The following PLCB4 variants were observed in gnomAD, a reference collection of about 807,000 sequenced individuals.
The protein encoded by PLCB4 is phospholipase C beta 4.
PLCB4 carries 77 observed loss-of-function variants against 178.8 expected under a neutral mutation model. The observed-to-expected ratio is 0.43, with a 90% confidence interval of 0.36 to 0.52. The LOEUF is 0.52. Ranked by LOEUF, PLCB4 falls within the 20% of genes least tolerant of loss-of-function variation. The pLI, the probability that PLCB4 is intolerant of heterozygous loss-of-function variation, is 0.00. For missense variants in PLCB4, 1,024 were observed against 1,453.4 expected, an observed-to-expected ratio of 0.70 and a Z score of 4.80; for synonymous variants, 496 against 490.8, an observed-to-expected ratio of 1.01 and a Z score of -0.14.
chr20:9,387,939 G>T (rs1295068783), intron 15 of PLCB4, among the ~76,000 whole-genome samples: 1 of 152,192 alleles, frequency 6.6e-6, no homozygotes, highest in African/African-American at 2.4e-5. Context: ...TGTAAATAGG[G>T]CCTACAAGAA....
intron 3 of PLCB4, among the ~76,000 whole-genome samples, chr20:9,240,969 G>C (rs562909937): frequency 6.6e-6 from 1 of 152,202 alleles, no homozygotes; most frequent in Non-Finnish European, 1.5e-5. Context: ...TGTTTGATTT[G>C]CAGAAATCCT....
At chr20:9,131,451 T>A (rs6056415) in intron 2 of PLCB4, among the ~76,000 whole-genome samples, 98,330 of 151,992 alleles carry the variant, frequency 0.65, 32,340 homozygotes, top group Middle Eastern at 0.78. Context: ...TAACTTTACT[T>A]GTTGAAGGAA....
rs73897380 is a variant in PLCB4, at chr20:9,330,598, T to A, written c.85-6528T>A. 8.2e-3 allele frequency among the ~76,000 whole-genome samples: 1,251 copies of A among 152,304 alleles called. 20 individuals are homozygous for A. The highest frequency in any genetic ancestry group is 0.028 in the African/African-American group (1,170 of 41,562). On this transcript the variant is annotated intron_variant, in intron 4 of 39. Transcript: ENST00000378473. ...GACTGTGGCTTTGAATAATTTAGTC[T>A]CCTCTGAACCTTTTTCCCCCCTTCT...
chr20:9,087,772 A>T (rs544110487), intron 1 of PLCB4, among the ~76,000 whole-genome samples: 54 of 152,236 alleles, frequency 3.5e-4, no homozygotes, highest in Middle Eastern at 6.8e-3. Context: ...ACCCTGATGG[A>T]TTTTTTGGAG....
chr20:9,305,521 A>G (rs1308868779), intron 3 of PLCB4, among the ~76,000 whole-genome samples: 1 of 152,018 alleles, frequency 6.6e-6, no homozygotes, highest in Non-Finnish European at 1.5e-5. Flanking sequence ...GCTAATTTTT[A>G]AATATATTTT....
chr20:9,275,876 G>A (rs1342288260), intron 3 of PLCB4, among the ~76,000 whole-genome samples: 2 of 152,080 alleles, frequency 1.3e-5, no homozygotes, highest in Admixed American at 6.6e-5. Flanking sequence ...AGTAAGGATA[G>A]GAAACTTATT....
At chr20:9,442,271 C>T (rs555578982) in intron 30 of PLCB4, among the ~76,000 whole-genome samples, 62 of 152,280 alleles carry the variant, frequency 4.1e-4, no homozygotes, top group Admixed American at 5.2e-4. Flanking sequence ...GGCTAGAGGC[C>T]GTCAGTTGGA....
chr20:9,382,893 A>G (rs2037262427), intron 13 of PLCB4, among the ~76,000 whole-genome samples: 1 of 152,192 alleles, frequency 6.6e-6, no homozygotes, highest in South Asian at 2.1e-4. Flanking sequence ...CTTTAGAATG[A>G]ATGAAGGTGC....
At chr20:9,432,217 C>CA in intron 28 of PLCB4, among the ~76,000 whole-genome samples, 1 of 152,170 alleles carries the variant, frequency 6.6e-6, no homozygotes, top group South Asian at 2.1e-4. Flanking sequence ...CAAAAATATA[C>CA]AAAAATGCTT....
chr20:9,433,984 G>A (rs2327181), intron 28 of PLCB4, among the ~76,000 whole-genome samples: 55,734 of 151,964 alleles, frequency 0.37, 11,189 homozygotes, highest in African/African-American at 0.53. Context: ...AATCTATTCT[G>A]TAAATATATG....
intron 2 of PLCB4, among the ~76,000 whole-genome samples, chr20:9,184,599 CAAAAAAAAAA>C (rs56964078): frequency 1.7e-5 from 2 of 118,458 alleles, no homozygotes; most frequent in Non-Finnish European, 3.7e-5. Context: ...CATTGTGCCT[CAAAAAAAAAA>C]AAAAAAAAAA....
chr20:9,333,267 G>A (rs763226672), intron 4 of PLCB4, among the ~76,000 whole-genome samples: 21 of 152,150 alleles, frequency 1.4e-4, no homozygotes, highest in Non-Finnish European at 3.1e-4. Context: ...CTGCCCTCTT[G>A]GAGGTTGTTG....
intron 1 of PLCB4, among the ~76,000 whole-genome samples, chr20:9,074,288 C>G (rs560125789): frequency 1.3e-5 from 2 of 152,240 alleles, no homozygotes; most frequent in African/African-American, 4.8e-5. Flanking sequence ...TACAGGTGCT[C>G]AAAGGATCCC....
intron 2 of PLCB4, among the ~76,000 whole-genome samples, chr20:9,097,669 C>T (rs999019474): frequency 1.3e-5 from 2 of 152,164 alleles, no homozygotes; most frequent in Admixed American, 6.5e-5. Flanking sequence ...ACAAGAATGA[C>T]CATTCACCTC....
At position 9,389,914 on chromosome 20, in the gene PLCB4, C is replaced by A; in HGVS notation, c.1194C>A (p.Val398=). Residue 398 remains valine (V), a synonymous_variant, in exon 16 of 40, where the codon GTC becomes GTA. Coordinates refer to ENST00000378473, the MANE Select transcript of PLCB4 (RefSeq NM_001377142.1). The stretch of plus-strand genomic sequence containing the variant: ...AAGCCATCAAGGAAACTGCATTTGT[C>A]ACATCAGAATATCCTGTAATTCTCT... ...VIQAIKETAF[V]TSEYPVILSF... is the part of the protein sequence containing the mutation. 2 of 1,584,436 alleles carry A rather than the reference C, an allele frequency of 1.3e-6. No individual in the cohort carries two copies. Among genetic ancestry groups the A allele is most frequent in the Non-Finnish European group, 1.7e-6 (2 of 1,155,802 alleles).
rs189240887 is a variant in PLCB4, at chr20:9,222,909, C to T, written c.-16+5457C>T. 2.0e-5 allele frequency among the ~76,000 whole-genome samples: 3 copies of T among 152,286 alleles called. No homozygotes were observed. In the East Asian group the frequency reaches 5.8e-4, roughly 29 times the overall value. On this transcript the variant is annotated intron_variant, in intron 3 of 39. Coordinates refer to ENST00000378473, the MANE Select transcript of PLCB4 (RefSeq NM_001377142.1). ...TACTCAGTAAGGAAATGAGGCAGCA[C>T]CGTGGTCCAGAGAGAGTGAGCTGAT...
intron 3 of PLCB4, among the ~76,000 whole-genome samples, chr20:9,256,305 T>C (rs1192857119): frequency 6.6e-6 from 1 of 152,160 alleles, no homozygotes; most frequent in Non-Finnish European, 1.5e-5. Flanking sequence ...GCATCCTTAG[T>C]TGATGAGCCT....
At position 9,471,804 on chromosome 20, in the gene PLCB4, T is replaced by A. The variant is rs548014326; in HGVS notation, c.3351-986T>A. Among the ~76,000 whole-genome samples the A allele has an allele frequency of 4.7e-4, 70 of 149,750 alleles. No homozygotes were observed. The South Asian group carries it at 0.014, about 30-fold the overall frequency. On this transcript the variant is annotated intron_variant, in intron 36 of 39. Coordinates refer to ENST00000378473, the MANE Select transcript of PLCB4 (RefSeq NM_001377142.1). ...CCAGACACTGCAGATGGAAATGCAG[T>A]TGGGGACAACTGGATTGGAGTAAGG...
intron 19 of PLCB4, among the ~76,000 whole-genome samples, chr20:9,399,139 T>C (rs1250991160): frequency 6.6e-6 from 1 of 152,248 alleles, no homozygotes; most frequent in Admixed American, 6.5e-5. Flanking sequence ...TACATCCATA[T>C]GGTAATTATT....
Sources: allele counts gnomAD v4.1 joint callset (sites outside exome capture counted in the v4.1 genomes callset), GRCh38; gene constraint gnomAD v4.1.1; transcripts MANE v1.5; gene names NCBI Gene and HGNC (gene_info 2026-07-23, HGNC 2026-07-21).